Variants in ANKRD6 observed in about 807,000 individuals in gnomAD.
ANKRD6 encodes the protein ankyrin repeat domain 6, also known as ankyrin repeat domain-containing protein 6.
Under a neutral mutation model 82.3 loss-of-function variants are expected in ANKRD6, and 56 were observed. The observed-to-expected ratio is 0.68, with a 90% confidence interval of 0.55 to 0.85. The LOEUF (loss-of-function observed/expected upper bound fraction) is 0.85. Ranked by LOEUF, ANKRD6 falls within the 40% of genes least tolerant of loss-of-function variation. The pLI, the probability that ANKRD6 is intolerant of heterozygous loss-of-function variation, is 0.00. For missense variants in ANKRD6, 852 were observed against 907.6 expected, an observed-to-expected ratio of 0.94 and a Z score of 0.79; for synonymous variants, 347 against 352.1, an observed-to-expected ratio of 0.99 and a Z score of 0.16.
At chr6:89,609,680 C>T (rs565017745) in intron 5 of ANKRD6, among the ~76,000 whole-genome samples, 253 of 152,138 alleles carry the variant, frequency 1.7e-3, no homozygotes, top group Non-Finnish European at 2.7e-3. Context: ...AGCGCGATCT[C>T]GGCTTGCTGA....
intron 3 of ANKRD6, among the ~76,000 whole-genome samples, chr6:89,596,355 A>G (rs1024507482): frequency 4.6e-5 from 7 of 152,208 alleles, no homozygotes. Context: ...ACACATGCAC[A>G]TTAGTGAGTA....
At chr6:89,499,806 C>T (rs1779062690) in intron 1 of ANKRD6, among the ~76,000 whole-genome samples, 1 of 152,114 alleles carries the variant, frequency 6.6e-6, no homozygotes, top group Admixed American at 6.5e-5. Flanking sequence ...CCTGCTGCTC[C>T]TCAGTTTAGC....
intron 9 of ANKRD6, among the ~76,000 whole-genome samples, chr6:89,621,053 A>G (rs1212158223): frequency 1.3e-5 from 2 of 152,144 alleles, no homozygotes; most frequent in Admixed American, 6.5e-5. Context: ...TGGGGCACAG[A>G]GTGAGACTCT....
intron 1 of ANKRD6, among the ~76,000 whole-genome samples, chr6:89,527,888 T>A (rs1202546318): frequency 6.6e-6 from 1 of 152,132 alleles, no homozygotes; most frequent in Non-Finnish European, 1.5e-5. Flanking sequence ...CAGCTCACTG[T>A]AACCTCAAAC....
chr6:89,630,133 C>A (rs1807036570), intron 15 of ANKRD6, among the ~76,000 whole-genome samples: 1 of 152,180 alleles, frequency 6.6e-6, no homozygotes, highest in Non-Finnish European at 1.5e-5. Flanking sequence ...AGAGCCTTCT[C>A]AGGTAGATTG....
chr6:89,480,788 T>G (rs1317825270), intron 1 of ANKRD6, among the ~76,000 whole-genome samples: 2 of 150,580 alleles, frequency 1.3e-5, no homozygotes, highest in Non-Finnish European at 3.0e-5. Flanking sequence ...TTTTTTTTGT[T>G]TTTTTTTGCT....
Position 89,624,958 on chromosome 6 carries a change from A to G in ANKRD6, c.1371+267A>G, listed in dbSNP as rs182005622. 7.9e-5 allele frequency among the ~76,000 whole-genome samples: 12 copies of G among 152,374 alleles called. 1 individual carries two copies. The East Asian group carries it at 2.3e-3, about 29-fold the overall frequency. ...TGAAAATTAGGAAAATAAATCACCT[A>G]TAAGCCCACTGTGCTGAAAAGCACT... is the stretch of plus-strand genomic sequence containing the variant. On this transcript the variant is annotated intron_variant, in intron 13 of 15. Transcript: ENST00000339746.
intron 3 of ANKRD6, among the ~76,000 whole-genome samples, chr6:89,599,048 G>A (rs777510406): frequency 1.2e-4 from 18 of 152,080 alleles, no homozygotes; most frequent in Non-Finnish European, 2.4e-4. Context: ...AATAAAATGA[G>A]AGAATTAGAC....
rs1770165236 is a variant in ANKRD6, at chr6:89,433,152, A to C, written c.-367A>C. 1 of 151,514 alleles carries C rather than the reference A, an allele frequency of 6.6e-6. No individual in the cohort carries two copies. 9.4% of individuals were successfully genotyped at this position (151,514 alleles called of 1,614,324 possible). On this transcript the variant is annotated 5_prime_UTR_variant, in exon 1 of 16. Coordinates refer to ENST00000339746, the MANE Select transcript of ANKRD6 (RefSeq NM_001242809.2). This position sits in a 1 kb window ranked among gnomAD's most constrained non-coding sequence, Gnocchi z 4.3. ...TGGGGCGGGGCCGGCGGGACGGGGC[A>C]GAGGGCCCTGCGGCGGCGGACGCGG...
In ANKRD6 at chr6:89,616,597, T is replaced by C; in HGVS notation, c.654T>C (p.Asn218=). 6.2e-7 allele frequency: 1 copy of C among 1,614,018 alleles called. No homozygotes were observed. The highest frequency in any genetic ancestry group is 1.6e-4 in the Middle Eastern group (1 of 6,062). ...CACTTCACGTTGCTGCTGCCCTAAATCACAAGAAGGTGGCCAAAATCTTAC... is the reference window on the plus strand; with the variant it reads ...CACTTCACGTTGCTGCTGCCCTAAACCACAAGAAGGTGGCCAAAATCTTAC... The part of the protein sequence containing the change: ...DTALHVAAAL[N]HKKVAKILLE... The change falls in exon 8 of 16, where the codon AAT becomes AAC. Residue 218 remains asparagine (N), a synonymous_variant. Transcript: ENST00000339746.
At chr6:89,459,807 G>A (rs540377035) in intron 1 of ANKRD6, among the ~76,000 whole-genome samples, 3 of 152,102 alleles carry the variant, frequency 2.0e-5, no homozygotes, top group Non-Finnish European at 2.9e-5. Context: ...CCAGCTTAGG[G>A]TGGTTTTTAT....
intron 1 of ANKRD6, among the ~76,000 whole-genome samples, chr6:89,525,439 T>G (rs1035320158): frequency 6.6e-6 from 1 of 152,168 alleles, no homozygotes; most frequent in Non-Finnish European, 1.5e-5. Flanking sequence ...CGCTGTTGTT[T>G]TTGTGCATTT....
intron 1 of ANKRD6, among the ~76,000 whole-genome samples, chr6:89,502,702 A>G (rs1779398957): frequency 6.6e-6 from 1 of 152,176 alleles, no homozygotes; most frequent in Non-Finnish European, 1.5e-5. Context: ...GCTTTTGGCT[A>G]TTGTCAAGAA....
chr6:89,464,548 G>T (rs887464129), intron 1 of ANKRD6, among the ~76,000 whole-genome samples: 1 of 152,148 alleles, frequency 6.6e-6, no homozygotes, highest in African/African-American at 2.4e-5. Context: ...AAGATTCTGT[G>T]TTCTTGCCTA....
intron 1 of ANKRD6, among the ~76,000 whole-genome samples, chr6:89,458,179 C>A (rs552651207): frequency 2.8e-4 from 43 of 152,146 alleles, no homozygotes; most frequent in African/African-American, 1.0e-3. Flanking sequence ...GTTATAGCAG[C>A]CAGAACTACT....
At chr6:89,607,169 C>A (rs1469796081) in intron 5 of ANKRD6, among the ~76,000 whole-genome samples, 295 of 135,646 alleles carry the variant, frequency 2.2e-3, no homozygotes, top group Middle Eastern at 3.5e-3. Context: ...GACCCGGTCT[C>A]AAAAAAAAAA....
intron 9 of ANKRD6, 111 bp downstream of exon 9, chr6:89,618,142 T>A: frequency 8.1e-7 from 1 of 1,238,436 alleles, no homozygotes; most frequent in Non-Finnish European, 1.2e-6. Flanking sequence ...ATATGGAATG[T>A]AACCAGGCAG....
chr6:89,603,949 C>T (rs971600889), intron 4 of ANKRD6, among the ~76,000 whole-genome samples: 3 of 152,186 alleles, frequency 2.0e-5, no homozygotes, highest in Non-Finnish European at 4.4e-5. Flanking sequence ...CTGCAGTGAG[C>T]CATGACTGCA....
chr6:89,623,335 A>G, intron 10 of ANKRD6, 75 bp from the exon 11 acceptor site: 17 of 1,510,190 alleles, frequency 1.1e-5, no homozygotes, highest in Non-Finnish European at 1.5e-5. Flanking sequence ...AATCTTGCAA[A>G]GAATATTTGA....
Sources: allele counts gnomAD v4.1 joint callset (sites outside exome capture counted in the v4.1 genomes callset), GRCh38; gene constraint gnomAD v4.1.1; non-coding constraint Gnocchi (gnomAD v3.1); transcripts MANE v1.5; gene names NCBI Gene and HGNC (gene_info 2026-07-23, HGNC 2026-07-21).